Variants in DPY19L1 observed in about 807,000 individuals in gnomAD.
DPY19L1 encodes the protein dpy-19 like C-mannosyltransferase 1.
Under a neutral mutation model 96.9 loss-of-function variants are expected in DPY19L1, and 35 were observed. The ratio of observed to expected loss-of-function variants is 0.36; its 90% CI spans 0.28 to 0.48. The LOEUF is 0.48. Among genes scored for constraint, DPY19L1 ranks in the 20% least tolerant of loss-of-function variants. The pLI is 0.99. For missense variants in DPY19L1, 521 were observed against 777.9 expected (o/e 0.67, Z 3.93); for synonymous variants, 205 against 252.6 (o/e 0.81, Z 1.79).
At chr7:34,941,246 T>C (rs887798336) in intron 18 of DPY19L1, among the ~76,000 whole-genome samples, 3 of 152,034 alleles carry the variant, frequency 2.0e-5, no homozygotes, top group African/African-American at 7.3e-5. Context: ...TGGAGAAGCA[T>C]AAATCTGTGA....
intron 4 of DPY19L1, among the ~76,000 whole-genome samples, chr7:35,012,489 T>C (rs1008456584): frequency 6.6e-5 from 10 of 152,150 alleles, no homozygotes; most frequent in African/African-American, 1.4e-4. Context: ...TAATTTTGCA[T>C]ATAAAGAAAA....
chr7:34,957,497 A>C (rs1241774084), intron 11 of DPY19L1, among the ~76,000 whole-genome samples: 1 of 152,238 alleles, frequency 6.6e-6, no homozygotes, highest in Non-Finnish European at 1.5e-5. Flanking sequence ...TCCATAATCT[A>C]AAGTTGTTCT....
chr7:34,944,578 G>C (rs944137129), intron 16 of DPY19L1, among the ~76,000 whole-genome samples: 5 of 151,930 alleles, frequency 3.3e-5, no homozygotes, highest in African/African-American at 9.7e-5. Context: ...AAATTTTAAA[G>C]AGAAGTATAA....
At chr7:35,018,512 T>C in intron 2 of DPY19L1, 60 bp downstream of exon 2, 3 of 1,442,738 alleles carry the variant, frequency 2.1e-6, no homozygotes, top group Non-Finnish European at 1.9e-6. Flanking sequence ...GTATGGGAAA[T>C]AGCTTTAGCA....
rs191961341 is a variant in DPY19L1, at chr7:34,962,246, T to A, written c.1093-4176A>T. The stretch of plus-strand genomic sequence containing the variant: ...CAGTGGTACATCCATATAATGTTAA[T>A]AAAATGTTAATAATAATCAAGATCT... On this transcript the variant is annotated intron_variant, in intron 10 of 21. Coordinates refer to ENST00000638088, the MANE Select transcript of DPY19L1 (RefSeq NM_001366673.1). Among the ~76,000 whole-genome samples, 388 of 152,308 alleles carry A rather than the reference T, an allele frequency of 2.5e-3. 1 individual carries two copies. Among genetic ancestry groups the A allele is most frequent in the African/African-American group, 8.9e-3 (372 of 41,568 alleles).
At chr7:34,938,618 A>G (rs769431197) in intron 20 of DPY19L1, among the ~76,000 whole-genome samples, 8 of 152,230 alleles carry the variant, frequency 5.3e-5, no homozygotes, top group African/African-American at 1.2e-4. Context: ...TTGATTTTTT[A>G]ATGAAAAAGC....
At chr7:35,004,039 A>G (rs1785493496) in intron 6 of DPY19L1, among the ~76,000 whole-genome samples, 1 of 152,184 alleles carries the variant, frequency 6.6e-6, no homozygotes, top group South Asian at 2.1e-4. Context: ...CCTTTGCCCC[A>G]TCACTTCAAG....
At chr7:34,993,612 C>A (rs1171906137) in intron 6 of DPY19L1, among the ~76,000 whole-genome samples, 2 of 151,898 alleles carry the variant, frequency 1.3e-5, no homozygotes, top group Non-Finnish European at 2.9e-5. Context: ...AACCCTGCCC[C>A]CCCACCCAAG....
intron 7 of DPY19L1, among the ~76,000 whole-genome samples, chr7:34,979,139 C>T (rs1784888373): frequency 6.6e-6 from 1 of 152,008 alleles, no homozygotes; most frequent in Admixed American, 6.6e-5. Flanking sequence ...TACAAAAAAC[C>T]TTTGTGAAAC....
chr7:34,983,219 T>C (rs1784977769), intron 7 of DPY19L1, among the ~76,000 whole-genome samples: 1 of 152,112 alleles, frequency 6.6e-6, no homozygotes, highest in Admixed American at 6.5e-5. Flanking sequence ...TCATCATTCT[T>C]TTACAGAAAT....
At chr7:34,956,561 T>C (rs2128786398) in intron 11 of DPY19L1, among the ~76,000 whole-genome samples, 2 of 151,604 alleles carry the variant, frequency 1.3e-5, no homozygotes, top group Middle Eastern at 3.4e-3. Context: ...TGCTGGAGTG[T>C]AGTGGCGCGA....
intron 6 of DPY19L1, among the ~76,000 whole-genome samples, chr7:35,003,447 T>C (rs1460613936): frequency 6.6e-6 from 1 of 152,226 alleles, no homozygotes; most frequent in African/African-American, 2.4e-5. Flanking sequence ...TTGTCTGTAT[T>C]TTATCTTGGC....
intron 2 of DPY19L1, 40 bp downstream of exon 2, chr7:35,018,532 C>G: frequency 6.4e-7 from 1 of 1,573,366 alleles, no homozygotes; most frequent in Non-Finnish European, 8.7e-7. Flanking sequence ...AAGTTATAAA[C>G]GTCTGCATAA....
rs1416495822 is a variant in DPY19L1 at position 35,012,015 on chromosome 7, C to A, written c.550-565G>T. On this transcript the variant is annotated intron_variant, in intron 4 of 21. Coordinates refer to ENST00000638088, the MANE Select transcript of DPY19L1 (RefSeq NM_001366673.1). ...GGTGGCAAGCCACCCCAGATTCCCTCTTCCGGGCTGAGGCACTCATTCCTC... is the reference window on the plus strand; with the variant it reads ...GGTGGCAAGCCACCCCAGATTCCCTATTCCGGGCTGAGGCACTCATTCCTC... Among the ~76,000 whole-genome samples the A allele has an allele frequency of 2.6e-5, 4 of 152,354 alleles. No individual in the cohort carries two copies. The South Asian group carries it at 6.2e-4, about 24-fold the overall frequency.
At chr7:34,989,628 A>T (rs1785121878) in intron 7 of DPY19L1, among the ~76,000 whole-genome samples, 1 of 119,518 alleles carries the variant, frequency 8.4e-6, no homozygotes, top group African/African-American at 2.9e-5. Flanking sequence ...CTCAAAAACA[A>T]AAACAACAAC....
At chr7:34,959,586 C>A (rs937664481) in intron 10 of DPY19L1, among the ~76,000 whole-genome samples, 2 of 151,940 alleles carry the variant, frequency 1.3e-5, no homozygotes, top group Non-Finnish European at 2.9e-5. Flanking sequence ...AAGCTGGAAG[C>A]CATAACTGTC....
chr7:35,014,237 A>G (rs1785785265), intron 3 of DPY19L1, among the ~76,000 whole-genome samples: 1 of 152,164 alleles, frequency 6.6e-6, no homozygotes, highest in Admixed American at 6.5e-5. Context: ...GGTGCCACCT[A>G]ATTTTACAGA....
At chr7:34,952,774 AC>A (rs1486381459) in intron 13 of DPY19L1, among the ~76,000 whole-genome samples, 1 of 152,184 alleles carries the variant, frequency 6.6e-6, no homozygotes, top group Admixed American at 6.5e-5. Flanking sequence ...GAGTGAAGAA[AC>A]TGGTAACTCC....
chr7:35,002,702 T>C (rs1785457302), intron 6 of DPY19L1, among the ~76,000 whole-genome samples: 1 of 152,232 alleles, frequency 6.6e-6, no homozygotes. Context: ...AAAGGTCACA[T>C]ACAAAGGTTT....
Sources: allele counts gnomAD v4.1 joint callset (sites outside exome capture counted in the v4.1 genomes callset), GRCh38; gene constraint gnomAD v4.1.1; transcripts MANE v1.5; gene names NCBI Gene and HGNC (gene_info 2026-07-23, HGNC 2026-07-21).